The following NBAS variants were observed in gnomAD, a reference collection of about 807,000 sequenced individuals.
NBAS encodes the protein NAG/BC035112 fusion.
NBAS carries 219 observed loss-of-function variants against 302.5 expected under a neutral mutation model. The ratio of observed to expected loss-of-function variants is 0.72; its 90% CI spans 0.65 to 0.81. The LOEUF (loss-of-function observed/expected upper bound fraction) is 0.81. Among genes scored for constraint, NBAS ranks in the 30% least tolerant of loss-of-function variants. NBAS has a pLI of 0.00. For missense variants in NBAS, 2,932 were observed against 2,841.6 expected (o/e 1.03, Z -0.72); for synonymous variants, 1,118 against 1,021.6 (o/e 1.09, Z -1.80).
rs1054470648 is a variant in NBAS, at chr2:15,283,384, G to A, written c.5138+3689C>T. ...TCCCCACGTGTTGTGGGAGGAACCC[G>A]GTGGGAGGTAACTGAATCATGGGGG... On this transcript the variant is annotated intron_variant, in intron 42 of 51. Transcript: ENST00000281513. Among the ~76,000 whole-genome samples, 3 of 152,082 alleles carry A rather than the reference G, an allele frequency of 2.0e-5. No individual in the cohort carries two copies. The East Asian group carries it at 5.8e-4, about 29-fold the overall frequency.
At chr2:14,881,397 T>C in the NBAS span, among the ~76,000 whole-genome samples, 2 of 152,158 alleles carry the variant, frequency 1.3e-5, no homozygotes, top group Non-Finnish European at 2.9e-5. Flanking sequence ...GGTTCAAAAA[T>C]TATCTGTTGG....
At chr2:15,112,081 C>T in the NBAS span, among the ~76,000 whole-genome samples, 2 of 151,040 alleles carry the variant, frequency 1.3e-5, no homozygotes, top group African/African-American at 2.4e-5. Flanking sequence ...AGCACAGCAT[C>T]CCTAAGGATA....
chr2:15,352,558 G>T (rs1309893414), intron 34 of NBAS, among the ~76,000 whole-genome samples: 1 of 152,146 alleles, frequency 6.6e-6, no homozygotes, highest in African/African-American at 2.4e-5. Context: ...TTACATCCTG[G>T]CACGTTGCCA....
the NBAS span, among the ~76,000 whole-genome samples, chr2:14,875,402 G>T: frequency 1.3e-5 from 2 of 152,134 alleles, no homozygotes; most frequent in Non-Finnish European, 2.9e-5. Context: ...CGAACACGAG[G>T]TCAGGAGTTC....
At chr2:15,545,359 A>G (rs1230367007) in intron 6 of NBAS, among the ~76,000 whole-genome samples, 2 of 152,204 alleles carry the variant, frequency 1.3e-5, no homozygotes, top group Admixed American at 1.3e-4. Flanking sequence ...GCAAAAAAAG[A>G]AATCCATAAA....
the NBAS span, among the ~76,000 whole-genome samples, chr2:15,016,308 G>A: frequency 6.6e-6 from 1 of 152,242 alleles, no homozygotes; most frequent in East Asian, 1.9e-4. Flanking sequence ...ACACCCCCAT[G>A]ATTCAATTAT....
chr2:15,118,673 A>T, the NBAS span, among the ~76,000 whole-genome samples: 1 of 152,078 alleles, frequency 6.6e-6, no homozygotes, highest in East Asian at 1.9e-4. Flanking sequence ...GCCACGGGAG[A>T]TTACACAAAG....
chr2:15,430,464 G>A (rs1368215827), intron 21 of NBAS, among the ~76,000 whole-genome samples: 1 of 152,140 alleles, frequency 6.6e-6, no homozygotes, highest in Non-Finnish European at 1.5e-5. Flanking sequence ...CTTTAGCACT[G>A]ACTGATCTCC....
intron 34 of NBAS, among the ~76,000 whole-genome samples, chr2:15,352,971 C>T (rs998201727): frequency 6.6e-6 from 1 of 152,094 alleles, no homozygotes. Context: ...GGTGTGGGGG[C>T]CCTCTCCCGT....
intron 44 of NBAS, among the ~76,000 whole-genome samples, chr2:15,262,491 C>T (rs951756772): frequency 6.6e-6 from 1 of 152,144 alleles, no homozygotes; most frequent in South Asian, 2.1e-4. Context: ...CCTCATTATA[C>T]AAAGGCAAAA....
chr2:15,391,279 C>A lies in NBAS; in HGVS notation c.3257+2948G>T, dbSNP rs117929009. Among the ~76,000 whole-genome samples, 33 of 151,510 alleles carry A rather than the reference C, an allele frequency of 2.2e-4. No individual in the cohort carries two copies. The East Asian group carries it at 6.2e-3, about 29-fold the overall frequency. On this transcript the variant is annotated intron_variant, in intron 28 of 51. Coordinates refer to ENST00000281513, the MANE Select transcript of NBAS (RefSeq NM_015909.4). ...CAAACGATGGTGTTAGAAAAACAGA[C>A]AAGAGTGGTTTAAAATGTATTATCA...
the NBAS span, among the ~76,000 whole-genome samples, chr2:14,976,531 C>T: frequency 6.6e-6 from 1 of 152,172 alleles, no homozygotes; most frequent in Non-Finnish European, 1.5e-5. Context: ...GGAGTAGTAC[C>T]ACTCTATCTT....
chr2:15,375,888 GA>G (rs1674711331), intron 30 of NBAS, among the ~76,000 whole-genome samples: 1 of 151,300 alleles, frequency 6.6e-6, no homozygotes, highest in South Asian at 2.1e-4. Flanking sequence ...GTACTCACAT[GA>G]AAAAACCTTC....
chr2:15,341,521 A>T (rs1435598591), intron 35 of NBAS, among the ~76,000 whole-genome samples: 1 of 152,154 alleles, frequency 6.6e-6, no homozygotes. Context: ...TTTGCAAATG[A>T]ATTTAAATAG....
At chr2:15,253,673 C>A (rs144847254) in intron 44 of NBAS, among the ~76,000 whole-genome samples, 3,706 of 152,282 alleles carry the variant, frequency 0.024, 84 homozygotes, top group Admixed American at 0.04. Context: ...CCTTTGACAA[C>A]AGCCTTCAAC....
At chr2:15,038,194 A>G in the NBAS span, among the ~76,000 whole-genome samples, 1 of 149,222 alleles carries the variant, frequency 6.7e-6, no homozygotes, top group African/African-American at 2.5e-5. Flanking sequence ...CTCACCGCAA[A>G]TCCTGCCTGC....
the NBAS span, among the ~76,000 whole-genome samples, chr2:14,812,061 T>C: frequency 0.41 from 61,893 of 152,010 alleles, 13,265 homozygotes; most frequent in African/African-American, 0.54. Flanking sequence ...TGACATTGGC[T>C]AGGGCACTGG....
chr2:15,002,399 A>G, the NBAS span, among the ~76,000 whole-genome samples: 1 of 152,156 alleles, frequency 6.6e-6, no homozygotes, highest in African/African-American at 2.4e-5. Flanking sequence ...AGCTGGACAT[A>G]AAGGTTCTCC....
At chr2:15,098,410 GATATATTGTATATTATATATTA>G in the NBAS span, among the ~76,000 whole-genome samples, 1 of 35,740 alleles carries the variant, frequency 2.8e-5, no homozygotes, top group Non-Finnish European at 4.3e-5. Context: ...TATTATATAT[GATATATTGTATATTATATATTA>G]TATATTGTAT....
Sources: allele counts gnomAD v4.1 joint callset (sites outside exome capture counted in the v4.1 genomes callset), GRCh38; gene constraint gnomAD v4.1.1; transcripts MANE v1.5; gene names NCBI Gene and HGNC (gene_info 2026-07-23, HGNC 2026-07-21).